The following MCM4 variants were observed in gnomAD, a reference collection of about 807,000 sequenced individuals.
MCM4 encodes the protein DNA replication licensing factor MCM4.
In MCM4, 60 loss-of-function variants were observed where a neutral mutation model predicts 88.7. The ratio of observed to expected loss-of-function variants is 0.68; its 90% CI spans 0.55 to 0.84. The LOEUF (loss-of-function observed/expected upper bound fraction) is 0.84. Ranked by LOEUF, MCM4 falls within the 40% of genes least tolerant of loss-of-function variation. The pLI, the probability that MCM4 is intolerant of heterozygous loss-of-function variation, is 0.00. For synonymous variants in MCM4, 465 were observed against 410.5 expected (o/e 1.13, Z -1.61); for missense variants, 1,149 against 1,105.5 (o/e 1.04, Z -0.56).
chr8:47,974,854 G>C lies in MCM4; in HGVS notation c.2257G>C (p.Val753Leu), dbSNP rs150870761. The change falls in exon 15 of 17, where the codon GTT becomes CTT. Residue 753 changes from valine to leucine, a missense_variant. Transcript: ENST00000649973. ...TGCTAAAGTAAGATTGTCTAACAAA[G>C]TTGAAGCCATTGATGTGGAAGAGGC... ...AHAKVRLSNK[V>L]EAIDVEEAKR... The C allele has an allele frequency of 2.7e-4, 434 of 1,614,218 alleles. 2 individuals are homozygous for C. The highest frequency in any genetic ancestry group is 4.9e-4 in the Middle Eastern group (3 of 6,062).
rs1248201831 is a variant in MCM4 at position 47,977,978 on chromosome 8, C to T, written c.*1200C>T. On this transcript the variant is annotated 3_prime_UTR_variant, in exon 17 of 17. Transcript: ENST00000649973. ...TCAGTAAGAAAAAAGCTTTACTAAC[C>T]ACTACATTTATGGAAATTTGTAGGG... 1 of 152,070 alleles carries T rather than the reference C, an allele frequency of 6.6e-6. No homozygotes were observed. The highest frequency in any genetic ancestry group is 1.9e-4 in the East Asian group (1 of 5,200). 9.4% of individuals were successfully genotyped at this position (152,070 alleles called of 1,614,324 possible).
At chr8:47,967,589 A>G in intron 10 of MCM4, 104 bp downstream of exon 10, 3 of 1,435,640 alleles carry the variant, frequency 2.1e-6, no homozygotes, top group Non-Finnish European at 2.9e-6. Context: ...TTCTACCTCC[A>G]GTTGTCACTG....
intron 11 of MCM4, 97 bp from the exon 12 acceptor site, chr8:47,970,414 A>C: frequency 7.0e-7 from 1 of 1,419,374 alleles, no homozygotes; most frequent in Non-Finnish European, 9.5e-7. Context: ...TCTTAATTGT[A>C]GTTCTTTATA....
intron 10 of MCM4, among the ~76,000 whole-genome samples, chr8:47,968,386 C>T (rs1465364225): frequency 2.0e-5 from 3 of 152,184 alleles, no homozygotes; most frequent in Admixed American, 6.5e-5. Flanking sequence ...TGAAAGAATG[C>T]GTAGTTTTTA....
rs987559996 is a variant in MCM4 at position 47,976,937 on chromosome 8, A to G, written c.*159A>G. On this transcript the variant is annotated 3_prime_UTR_variant, in exon 17 of 17. Transcript: ENST00000649973. The stretch of plus-strand genomic sequence containing the variant: ...AACTTGGGTTCAATATTTGTAGTGA[A>G]GTATCTGTTTTCATTTTTTTCACGT... 1.3e-5 allele frequency: 7 copies of G among 538,590 alleles called. No individual in the cohort carries two copies. The highest frequency in any genetic ancestry group is 2.3e-5 in the Non-Finnish European group (7 of 298,362). 33.4% of individuals were successfully genotyped at this position (538,590 alleles called of 1,614,324 possible).
At position 47,972,852 on chromosome 8, in the gene MCM4, C is replaced by G. The variant is rs1563835325; in HGVS notation, c.1929-5C>G. The stretch of plus-strand genomic sequence containing the variant: ...AAAAACAGTATTTTTACTTTGTTTT[C>G]TTAGGTTTGATTTGATCTTCCTCTT... On this transcript the variant is annotated splice_polypyrimidine_tract_variant and splice_region_variant and intron_variant, in intron 13 of 16. Coordinates refer to ENST00000649973, the MANE Select transcript of MCM4 (RefSeq NM_182746.3). The G allele has an allele frequency of 1.2e-6, 2 of 1,613,338 alleles. No individual in the cohort carries two copies. Among genetic ancestry groups the G allele is most frequent in the Non-Finnish European group, 1.7e-6 (2 of 1,179,412 alleles).
At chr8:47,970,186 G>A in intron 11 of MCM4, 129 bp downstream of exon 11, 1 of 1,076,598 alleles carries the variant, frequency 9.3e-7, no homozygotes, top group Non-Finnish European at 1.3e-6. Context: ...AGCAAGTGCT[G>A]GCAACCTGAC....
chr8:47,967,817 G>C lies in MCM4; in HGVS notation c.1174+332G>C, dbSNP rs59777136. Among the ~76,000 whole-genome samples the C allele has an allele frequency of 4.6e-5, 7 of 152,302 alleles. No individual in the cohort carries two copies. The East Asian group carries it at 1.4e-3, about 29-fold the overall frequency. On this transcript the variant is annotated intron_variant, in intron 10 of 16. Transcript: ENST00000649973. ...ATCATGAGAGAGCAGCCTCAGACAG[G>C]CTTGTATGGGTAAAGTTTTGAGTTA... is the stretch of plus-strand genomic sequence containing the variant.
chr8:47,968,244 G>A (rs990881917), intron 10 of MCM4, among the ~76,000 whole-genome samples: 1 of 152,188 alleles, frequency 6.6e-6, no homozygotes, highest in Non-Finnish European at 1.5e-5. Flanking sequence ...TGAGCGGAGG[G>A]CCTGGGGCAC....
rs1281405597 is a variant in MCM4 at position 47,961,212 on chromosome 8, C to T, written c.68C>T (p.Thr23Met). 5.9e-6 allele frequency: 9 copies of T among 1,513,234 alleles called. No individual in the cohort carries two copies. Among genetic ancestry groups the T allele is most frequent in the Middle Eastern group, 3.6e-4 (2 of 5,520 alleles). 93.7% of individuals were successfully genotyped at this position (1,513,234 alleles called of 1,614,324 possible). A position where few individuals can be genotyped will look rare whatever the true frequency, so the allele number is the denominator to read the frequency against. The change falls in exon 2 of 17, where the codon ACG becomes ATG. Residue 23 changes from threonine to methionine, a missense_variant and splice_region_variant. This residue lies in a region of MCM4 where 906 missense variants were observed against 843.0 expected (regional missense o/e 1.07). Transcript: ENST00000649973. ...SRRGRATPAQ[T>M]PRSEDARSSP... ...CGTGGAAGGGCCACCCCCGCCCAGA[C>T]GCGTGAGTCCCCCGAGCCGGGCCCA...
rs1342253931 is a variant in MCM4, at chr8:47,973,022, C to T, written c.2094C>T (p.Ile698=). 2.5e-6 allele frequency: 4 copies of T among 1,614,062 alleles called. No homozygotes were observed. The highest frequency in any genetic ancestry group is 3.4e-6 in the Non-Finnish European group (4 of 1,180,014). The change falls in exon 14 of 17, where the codon ATC becomes ATT. Residue 698 remains isoleucine (I), a synonymous_variant. Coordinates refer to ENST00000649973, the MANE Select transcript of MCM4 (RefSeq NM_182746.3). ...KDYIAYAHST[I]MPRLSEEASQ... ...ACATTGCCTACGCGCACAGCACCAT[C>T]ATGCCGCGGCTAAGTGAGGAAGCCA...
In MCM4 at chr8:47,962,074, T is replaced by C; in HGVS notation, c.257T>C (p.Val86Ala). The change falls in exon 4 of 17, where the codon GTT becomes GCT. Residue 86 changes from valine (V) to alanine (A), a missense_variant. Coordinates refer to ENST00000649973, the MANE Select transcript of MCM4 (RefSeq NM_182746.3). ...HSSAIPLDFD[V>A]SSPLTYGTPS... ...ATAGCTATCCCTCTTGACTTTGATG[T>C]TAGTTCACCACTGACATACGGCACT... 5 of 1,614,200 alleles carry C rather than the reference T, an allele frequency of 3.1e-6. No individual in the cohort carries two copies. Among genetic ancestry groups the C allele is most frequent in the Non-Finnish European group, 4.2e-6 (5 of 1,180,018 alleles).
At chr8:47,973,113 A>G (rs1387645587) in intron 14 of MCM4, 49 bp downstream of exon 14, 2 of 1,442,038 alleles carry the variant, frequency 1.4e-6, no homozygotes, top group East Asian at 4.7e-5. Flanking sequence ...CACAGCATTA[A>G]TGTAACTGAC....
intron 8 of MCM4, among the ~76,000 whole-genome samples, chr8:47,965,214 C>CAAA (rs113918401): frequency 8.0e-6 from 1 of 125,454 alleles, no homozygotes; most frequent in African/African-American, 2.9e-5. Context: ...GACCCTGTCT[C>CAAA]AAAAAAAAAA....
At chr8:47,970,349 ATAACT>A (rs1327983688) in intron 11 of MCM4, among the ~76,000 whole-genome samples, 157 bp from the exon 12 acceptor site, 4 of 152,248 alleles carry the variant, frequency 2.6e-5, no homozygotes, top group Admixed American at 6.5e-5. Flanking sequence ...CTGGTCAGTG[ATAACT>A]TAAAGCATAT....
Position 47,966,342 on chromosome 8 carries a change from C to A in MCM4, c.988C>A (p.Arg330Ser), listed in dbSNP as rs144766420. ...GRIAEPSVCGRCHTTHSMALI... is the reference protein window; with the variant it reads ...GRIAEPSVCGSCHTTHSMALI... ...CATTGCAGAGCCCAGTGTGTGCGGG[C>A]GCTGCCACACCACCCACAGCATGGC... is the stretch of plus-strand genomic sequence containing the variant. Residue 330 changes from arginine to serine, a missense_variant, in exon 9 of 17, where the codon CGC becomes AGC. Around this residue, in one of 3 missense-constraint regions of MCM4, gnomAD observed 906 missense variants for 843.0 expected, o/e 1.07. Coordinates refer to ENST00000649973, the MANE Select transcript of MCM4 (RefSeq NM_182746.3). The A allele has an allele frequency of 1.2e-6, 2 of 1,613,906 alleles. No homozygotes were observed. The highest frequency in any genetic ancestry group is 1.7e-6 in the Non-Finnish European group (2 of 1,180,022).
In MCM4 at chr8:47,976,802, C is replaced by T. The variant is rs2091005431; in HGVS notation, c.*24C>T. 6.9e-7 allele frequency: 1 copy of T among 1,453,144 alleles called. No individual in the cohort carries two copies. The highest frequency in any genetic ancestry group is 9.7e-7 in the Non-Finnish European group (1 of 1,033,972). The allele number at this position is 1,453,144 out of a possible 1,614,324, so 90.0% of individuals were successfully genotyped here. A position where few individuals can be genotyped will look rare whatever the true frequency, so the allele number is the denominator to read the frequency against. On this transcript the variant is annotated 3_prime_UTR_variant, in exon 17 of 17. Transcript: ENST00000649973. Reference sequence around the variant, plus strand: ...GAAGCCTTGTGAGCAAGGAAGGCTCCCTGCATGTCCTGCTTGCTGCACGCC... The same window carrying T: ...GAAGCCTTGTGAGCAAGGAAGGCTCTCTGCATGTCCTGCTTGCTGCACGCC...
At chr8:47,962,652 ATAT>A (rs2154505015) in intron 5 of MCM4, 109 bp from the exon 6 acceptor site, 2 of 750,062 alleles carry the variant, frequency 2.7e-6, no homozygotes, top group Non-Finnish European at 4.5e-6. Flanking sequence ...AGGAAGAAAA[ATAT>A]TATTTATTTC....
At chr8:47,967,102 C>A (rs944329261) in intron 9 of MCM4, among the ~76,000 whole-genome samples, 1 of 152,250 alleles carries the variant, frequency 6.6e-6, no homozygotes, top group Non-Finnish European at 1.5e-5. Flanking sequence ...TTTGGAAAGG[C>A]CTTCCTCGAC....
Sources: allele counts gnomAD v4.1 joint callset (sites outside exome capture counted in the v4.1 genomes callset), GRCh38; gene constraint gnomAD v4.1.1; regional missense constraint gnomAD v4.1.1; transcripts MANE v1.5; gene names NCBI Gene and HGNC (gene_info 2026-07-23, HGNC 2026-07-21).